ULK4: variants seen among roughly 807,000 people sequenced by gnomAD.
ULK4 encodes the protein inactive serine/threonine-protein kinase ULK4.
A neutral mutation model predicts 160.6 loss-of-function variants in ULK4; 133 were observed. That is an observed-to-expected ratio of 0.83 (90% CI 0.72 to 0.96). The LOEUF is 0.96. ULK4 is among the 40% of genes least tolerant of loss of function. The probability of loss-of-function intolerance (pLI) is 0.00; values close to 1 mark genes in which losing one functional copy is unlikely to be tolerated. For synonymous variants in ULK4, 534 were observed against 539.8 expected, an observed-to-expected ratio of 0.99 and a Z score of 0.15; for missense variants, 1,580 against 1,499.5, an observed-to-expected ratio of 1.05 and a Z score of -0.89.
intron 31 of ULK4, among the ~76,000 whole-genome samples, chr3:41,566,355 C>A (rs757809555): frequency 3.3e-5 from 5 of 152,194 alleles, no homozygotes; most frequent in Admixed American, 2.6e-4. Context: ...TGCTGCAGCA[C>A]AGACTTCCCT....
chr3:41,387,194 T>C (rs983911979), intron 35 of ULK4, among the ~76,000 whole-genome samples: 1 of 152,164 alleles, frequency 6.6e-6, no homozygotes, highest in African/African-American at 2.4e-5. Context: ...GTAATTAAGA[T>C]ATCTATCATT....
intron 24 of ULK4, 30 bp from the exon 25 acceptor site, chr3:41,715,323 T>C (rs1237570312): frequency 6.2e-7 from 1 of 1,612,854 alleles, no homozygotes; most frequent in Admixed American, 1.7e-5. Flanking sequence ...ACAGATTAAA[T>C]TCTGGAAGCT....
rs1553661134 is a variant in ULK4 at position 41,418,344 on chromosome 3, G to GGGC, written c.3493-20081_3493-20080insGCC. Among the ~76,000 whole-genome samples the GGGC allele has an allele frequency of 7.3e-4, 96 of 131,288 alleles. 2 individuals carry two copies. The highest frequency in any genetic ancestry group is 2.7e-3 in the African/African-American group (92 of 34,540). The allele number at this position is 131,288 out of a possible 152,430, so 86.1% of individuals were successfully genotyped here. ...ACATACTTTTTTTCTTAATTTGGCG[G>GGGC]GGGGGGGGGCACGTTTCTAAGCTAC... On this transcript the variant is annotated intron_variant, in intron 34 of 36. Coordinates refer to ENST00000301831, the MANE Select transcript of ULK4 (RefSeq NM_017886.4).
At position 41,878,141 on chromosome 3, in the gene ULK4, T is replaced by C. The variant is rs376712759; in HGVS notation, c.1656+5733A>G. ...GATTGAGTTCTCTAACTACATCTTC[T>C]AACAAAGTAAACAAGATTCCTTATA... On this transcript the variant is annotated intron_variant, in intron 17 of 36. Coordinates refer to ENST00000301831, the MANE Select transcript of ULK4 (RefSeq NM_017886.4). Among the ~76,000 whole-genome samples the C allele has an allele frequency of 6.7e-5, 10 of 148,626 alleles. No homozygotes were observed. The East Asian group carries it at 1.8e-3, about 27-fold the overall frequency.
In ULK4 at chr3:41,291,046, A is replaced by AT. The variant is rs755559180; in HGVS notation, c.3679-41473dup. On this transcript the variant is annotated intron_variant, in intron 35 of 36. Transcript: ENST00000301831. ...GAATTCAGTGGTACAGGCAGATGGG[A>AT]TTTTTTTTGTTTTTGTTTTTGTTTT... Among the ~76,000 whole-genome samples, 7 of 151,280 alleles carry AT rather than the reference A, an allele frequency of 4.6e-5. No individual in the cohort carries two copies. The East Asian group carries it at 5.8e-4, about 13-fold the overall frequency.
intron 19 of ULK4, among the ~76,000 whole-genome samples, chr3:41,805,098 A>C (rs1032680017): frequency 6.6e-6 from 1 of 152,174 alleles, no homozygotes; most frequent in Admixed American, 6.5e-5. Flanking sequence ...CACGATACTG[A>C]TTCTTCCTAC....
At position 41,377,875 on chromosome 3, in the gene ULK4, T is replaced by C. The variant is rs1291202641; in HGVS notation, c.3678+20204A>G. ...TTGACCCAGCCATCCCATTACTGGG[T>C]ATATACCCAAAGGACTATAAATCAT... On this transcript the variant is annotated intron_variant, in intron 35 of 36. Coordinates refer to ENST00000301831, the MANE Select transcript of ULK4 (RefSeq NM_017886.4). Among the ~76,000 whole-genome samples the C allele has an allele frequency of 1.7e-4, 25 of 149,746 alleles. 1 individual carries two copies. The highest frequency in any genetic ancestry group is 5.7e-4 in the African/African-American group (23 of 40,080).
At chr3:41,490,350 A>G (rs904178264) in intron 32 of ULK4, among the ~76,000 whole-genome samples, 2 of 152,194 alleles carry the variant, frequency 1.3e-5, no homozygotes, top group African/African-American at 4.8e-5. Context: ...GCTCCAGCAC[A>G]GACCCACACT....
chr3:41,804,543 A>G (rs2040577407), intron 19 of ULK4, among the ~76,000 whole-genome samples: 1 of 151,374 alleles, frequency 6.6e-6, no homozygotes, highest in South Asian at 2.1e-4. Context: ...TGTTTTAGAC[A>G]TGAAGTCCTT....
intron 5 of ULK4, among the ~76,000 whole-genome samples, chr3:41,931,513 A>C (rs1699602046): frequency 6.6e-6 from 1 of 151,646 alleles, no homozygotes; most frequent in Non-Finnish European, 1.5e-5. Flanking sequence ...TCAACTGCAG[A>C]ATATCATTCA....
chr3:41,771,356 G>C (rs888658004), intron 21 of ULK4, among the ~76,000 whole-genome samples: 5 of 152,192 alleles, frequency 3.3e-5, no homozygotes, highest in African/African-American at 1.2e-4. Context: ...AAATAAGAAA[G>C]AATACATTGT....
At chr3:41,564,433 G>A (rs529751052) in intron 32 of ULK4, among the ~76,000 whole-genome samples, 39 of 145,668 alleles carry the variant, frequency 2.7e-4, no homozygotes, top group African/African-American at 9.4e-4. Context: ...AGACAGGGAC[G>A]TTTCTTCTTC....
At chr3:41,721,725 T>C (rs971629133) in intron 22 of ULK4, among the ~76,000 whole-genome samples, 7 of 152,060 alleles carry the variant, frequency 4.6e-5, no homozygotes, top group Admixed American at 3.9e-4. Flanking sequence ...AAACATTTTC[T>C]AGGAGATATA....
chr3:41,320,477 G>A (rs1285807502), intron 35 of ULK4, among the ~76,000 whole-genome samples: 1 of 152,100 alleles, frequency 6.6e-6, no homozygotes, highest in Admixed American at 6.5e-5. Flanking sequence ...CAGTTTCCAT[G>A]GGGCTGAGGA....
intron 18 of ULK4, among the ~76,000 whole-genome samples, chr3:41,822,148 G>A (rs958352645): frequency 3.3e-5 from 5 of 151,964 alleles, no homozygotes; most frequent in East Asian, 1.9e-4. Context: ...CTTGCTCTTC[G>A]GATCAAGACC....
At chr3:41,592,086 C>G (rs752720006) in intron 31 of ULK4, among the ~76,000 whole-genome samples, 1 of 152,138 alleles carries the variant, frequency 6.6e-6, no homozygotes, top group South Asian at 2.1e-4. Flanking sequence ...CTGAAGGAAG[C>G]GGACTGCTCC....
At chr3:41,706,847 A>T (rs1478818509) in intron 25 of ULK4, among the ~76,000 whole-genome samples, 1 of 109,198 alleles carries the variant, frequency 9.2e-6, no homozygotes, top group African/African-American at 7.5e-5. Context: ...AAAAAAAAAA[A>T]TATGTGTGTG....
At chr3:41,762,992 C>T (rs1433136446) in intron 21 of ULK4, among the ~76,000 whole-genome samples, 1 of 152,036 alleles carries the variant, frequency 6.6e-6, no homozygotes, top group African/African-American at 2.4e-5. Context: ...ACCATCAGCT[C>T]TTGTGAGAAC....
At chr3:41,793,209 G>T (rs1354382812) in intron 20 of ULK4, among the ~76,000 whole-genome samples, 1 of 151,310 alleles carries the variant, frequency 6.6e-6, no homozygotes, top group African/African-American at 2.4e-5. Context: ...TAGAGTCTGA[G>T]ATTATATTTT....
Sources: allele counts gnomAD v4.1 joint callset (sites outside exome capture counted in the v4.1 genomes callset), GRCh38; gene constraint gnomAD v4.1.1; transcripts MANE v1.5; gene names NCBI Gene and HGNC (gene_info 2026-07-23, HGNC 2026-07-21).